ST6GALNAC3: variants seen among roughly 807,000 people sequenced by gnomAD.
ST6GALNAC3 encodes ST6 N-acetylgalactosaminide alpha-2,6-sialyltransferase 3, also known as alpha-N-acetylgalactosaminide alpha-2,6-sialyltransferase 3.
Under a neutral mutation model 32.7 loss-of-function variants are expected in ST6GALNAC3, and 25 were observed. The ratio of observed to expected loss-of-function variants is 0.76; its 90% CI spans 0.56 to 1.07. The LOEUF is 1.07. Ranked by LOEUF, ST6GALNAC3 falls within the 50% of genes least tolerant of loss-of-function variation. The probability of loss-of-function intolerance (pLI) is 0.00; values close to 1 mark genes in which losing one functional copy is unlikely to be tolerated. For synonymous variants in ST6GALNAC3, 129 were observed against 133.1 expected (o/e 0.97, Z 0.21); for missense variants, 355 against 382.4 (o/e 0.93, Z 0.60).
intron 1 of ST6GALNAC3, among the ~76,000 whole-genome samples, chr1:76,197,214 A>C (rs1654254256): frequency 6.6e-6 from 1 of 152,178 alleles, no homozygotes; most frequent in Admixed American, 6.5e-5. Context: ...TTGCTGATGA[A>C]GATGTGCTAA....
chr1:76,602,312 T>TG (rs1201790531), intron 3 of ST6GALNAC3, among the ~76,000 whole-genome samples: 1 of 152,006 alleles, frequency 6.6e-6, no homozygotes, highest in East Asian at 1.9e-4. Context: ...CGTGTGTTCA[T>TG]GCGCGCACGT....
intron 1 of ST6GALNAC3, among the ~76,000 whole-genome samples, chr1:76,205,978 C>T (rs761961928): frequency 6.6e-6 from 1 of 152,226 alleles, no homozygotes; most frequent in African/African-American, 2.4e-5. Flanking sequence ...CATTACTTCA[C>T]TCTTCAGAAC....
chr1:76,075,881 G>T (rs1486222084), intron 1 of ST6GALNAC3, among the ~76,000 whole-genome samples: 1 of 152,208 alleles, frequency 6.6e-6, no homozygotes. Context: ...ATTCGTTGTT[G>T]TTGTGTTATT....
At chr1:76,137,669 T>C (rs1650036425) in intron 1 of ST6GALNAC3, among the ~76,000 whole-genome samples, 1 of 151,670 alleles carries the variant, frequency 6.6e-6, no homozygotes, top group Non-Finnish European at 1.5e-5. Context: ...CTCTTCTCTG[T>C]AAGTTGCAGT....
At chr1:76,456,663 T>C (rs980222023) in intron 3 of ST6GALNAC3, among the ~76,000 whole-genome samples, 2 of 152,176 alleles carry the variant, frequency 1.3e-5, no homozygotes, top group Non-Finnish European at 2.9e-5. Flanking sequence ...CCCTTCATGC[T>C]AAAAACTCTC....
rs528523125 is a variant in ST6GALNAC3 at position 76,394,076 on chromosome 1, T to C, written c.214-17932T>C. Among the ~76,000 whole-genome samples, 3 of 152,264 alleles carry C rather than the reference T, an allele frequency of 2.0e-5. No homozygotes were observed. In the South Asian group the frequency reaches 6.2e-4, roughly 32 times the overall value. On this transcript the variant is annotated intron_variant, in intron 2 of 4. Coordinates refer to ENST00000328299, the MANE Select transcript of ST6GALNAC3 (RefSeq NM_152996.4). Reference sequence around the variant, plus strand: ...TGGAGTATGAGTAGCAGTGTTGAATTTTACCTCAAGTTACTATGGGATAGA... The same window carrying C: ...TGGAGTATGAGTAGCAGTGTTGAATCTTACCTCAAGTTACTATGGGATAGA...
At chr1:76,395,612 C>T (rs919881716) in intron 2 of ST6GALNAC3, among the ~76,000 whole-genome samples, 21 of 150,826 alleles carry the variant, frequency 1.4e-4, no homozygotes, top group South Asian at 2.1e-4. Flanking sequence ...CACACACACA[C>T]GCACACACAG....
At chr1:76,482,464 A>G (rs1557470273) in intron 3 of ST6GALNAC3, among the ~76,000 whole-genome samples, 1 of 152,212 alleles carries the variant, frequency 6.6e-6, no homozygotes, top group African/African-American at 2.4e-5. Flanking sequence ...AAAGATGGGA[A>G]TGATAATGTC....
chr1:76,114,844 G>C (rs1005897834), intron 1 of ST6GALNAC3, among the ~76,000 whole-genome samples: 3 of 151,596 alleles, frequency 2.0e-5, no homozygotes, highest in Non-Finnish European at 4.4e-5. Context: ...GCTTGAACCG[G>C]GGAGGCAGAG....
At chr1:76,446,888 C>T (rs931003936) in intron 3 of ST6GALNAC3, among the ~76,000 whole-genome samples, 3 of 152,122 alleles carry the variant, frequency 2.0e-5, no homozygotes, top group Admixed American at 6.6e-5. Flanking sequence ...GTATAAATTA[C>T]CCAGTCTTGG....
intron 1 of ST6GALNAC3, among the ~76,000 whole-genome samples, chr1:76,253,889 AGAATGGT>A (rs1199755687): frequency 2.6e-5 from 4 of 152,156 alleles, no homozygotes. Flanking sequence ...ATTTTGCGGA[AGAATGGT>A]GTGTGCACCA....
intron 1 of ST6GALNAC3, among the ~76,000 whole-genome samples, chr1:76,108,222 A>G (rs536384540): frequency 6.6e-6 from 1 of 152,316 alleles, no homozygotes; most frequent in South Asian, 2.1e-4. Context: ...CTCTGAGTGC[A>G]TTTATTCATT....
chr1:76,206,383 C>G (rs1654823902), intron 1 of ST6GALNAC3, among the ~76,000 whole-genome samples: 1 of 152,130 alleles, frequency 6.6e-6, no homozygotes, highest in Non-Finnish European at 1.5e-5. Flanking sequence ...CTGCTGCTTT[C>G]CACTTGTACA....
chr1:76,393,490 A>G (rs983298632), intron 2 of ST6GALNAC3, among the ~76,000 whole-genome samples: 5 of 152,156 alleles, frequency 3.3e-5, no homozygotes, highest in African/African-American at 1.2e-4. Flanking sequence ...CTTAAGCTGC[A>G]TTTGACATTT....
chr1:76,081,149 G>A (rs1646888704), intron 1 of ST6GALNAC3, among the ~76,000 whole-genome samples: 1 of 152,182 alleles, frequency 6.6e-6, no homozygotes, highest in South Asian at 2.1e-4. Flanking sequence ...AGTAAGTGAT[G>A]GAGGTGGGGT....
chr1:76,172,528 G>T (rs1652589472), intron 1 of ST6GALNAC3, among the ~76,000 whole-genome samples: 2 of 152,142 alleles, frequency 1.3e-5, no homozygotes, highest in Admixed American at 1.3e-4. Context: ...ATTCAAATAG[G>T]AAGAAAGGAA....
rs1472281207 is a variant in ST6GALNAC3, at chr1:76,494,468, T to TACACACACAC, written c.623+82060_623+82069dup. Among the ~76,000 whole-genome samples the TACACACACAC allele has an allele frequency of 2.7e-4, 16 of 59,526 alleles. 1 individual carries two copies. The highest frequency in any genetic ancestry group is 3.5e-4 in the African/African-American group (5 of 14,256). The allele number at this position is 59,526 out of a possible 152,430, so 39.1% of individuals were successfully genotyped here. On this transcript the variant is annotated intron_variant, in intron 3 of 4. Transcript: ENST00000328299. Reference sequence around the variant, plus strand: ...ATATATATATATATATATATATATATACACACACACACACACACTTTCCCT... The same window carrying TACACACACAC: ...ATATATATATATATATATATATATATACACACACACACACACACACACACACACTTTCCCT...
intron 3 of ST6GALNAC3, among the ~76,000 whole-genome samples, chr1:76,550,092 G>A (rs953593145): frequency 6.6e-6 from 1 of 152,106 alleles, no homozygotes; most frequent in Non-Finnish European, 1.5e-5. Flanking sequence ...AACATGCATT[G>A]CAAATGTCTT....
intron 1 of ST6GALNAC3, among the ~76,000 whole-genome samples, chr1:76,238,457 A>G (rs1163584722): frequency 1.2e-4 from 18 of 152,162 alleles, no homozygotes; most frequent in Non-Finnish European, 2.6e-4. Flanking sequence ...TTGTTAGTAC[A>G]TCCACAGACA....
Sources: gnomAD v4.1 joint callset for allele counts (sites outside exome capture counted in the v4.1 genomes callset) on GRCh38, gnomAD v4.1.1 for gene constraint, MANE v1.5 for transcripts, NCBI Gene and HGNC (gene_info 2026-07-23, HGNC 2026-07-21) for gene names.